Variants in ACADM observed in about 807,000 individuals in gnomAD.
ACADM encodes the protein acyl-CoA dehydrogenase medium chain.
A neutral mutation model predicts 58.9 loss-of-function variants in ACADM; 49 were observed. That is an observed-to-expected ratio of 0.83 (90% CI 0.66 to 1.06). The LOEUF (loss-of-function observed/expected upper bound fraction) is 1.06, where lower values mean the gene tolerates loss of function less well. Ranked by LOEUF, ACADM falls within the 50% of genes least tolerant of loss-of-function variation. The pLI is 0.00. For missense variants in ACADM, 496 were observed against 507.0 expected (o/e 0.98, Z 0.21); for synonymous variants, 160 against 157.7 (o/e 1.01, Z -0.11).
chr1:75,759,178 A>G (rs1648683479), intron 10 of ACADM, among the ~76,000 whole-genome samples: 1 of 152,226 alleles, frequency 6.6e-6, no homozygotes, highest in African/African-American at 2.4e-5. Flanking sequence ...AGCAAGACCA[A>G]GAACCCACTG....
intron 10 of ACADM, among the ~76,000 whole-genome samples, chr1:75,753,344 C>G (rs1240590065): frequency 6.6e-6 from 1 of 151,894 alleles, no homozygotes; most frequent in East Asian, 1.9e-4. Context: ...TTCTTTTCCT[C>G]CATGTTATCT....
intron 9 of ACADM, among the ~76,000 whole-genome samples, chr1:75,750,137 A>C (rs1299414015): frequency 6.6e-6 from 1 of 152,186 alleles, no homozygotes; most frequent in Admixed American, 6.6e-5. Context: ...GTCCACCCTA[A>C]ATATGATCAT....
chr1:75,752,369 T>C (rs553593663), intron 10 of ACADM, among the ~76,000 whole-genome samples: 1 of 152,374 alleles, frequency 6.6e-6, no homozygotes, highest in East Asian at 1.9e-4. Flanking sequence ...GTCACAACAA[T>C]GTTAAATTGC....
At chr1:75,735,405 T>A (rs993552107) in intron 6 of ACADM, among the ~76,000 whole-genome samples, 3 of 151,820 alleles carry the variant, frequency 2.0e-5, no homozygotes, top group Non-Finnish European at 4.4e-5. Flanking sequence ...GTTTTTGGGA[T>A]GTCAAAAAGT....
intron 6 of ACADM, among the ~76,000 whole-genome samples, chr1:75,737,318 ATATAT>A (rs2100381196): frequency 8.2e-6 from 1 of 122,596 alleles, no homozygotes; most frequent in East Asian, 2.3e-4. Flanking sequence ...ATATATATAT[ATATAT>A]ATATGAAACC....
rs751527410 is a variant in ACADM at position 75,744,023 on chromosome 1, T to TAAA, written c.600-1780_600-1778dup. 7.2e-4 allele frequency: 1,134 copies of TAAA among 1,578,492 alleles called. 5 individuals carry two copies. The highest frequency in any genetic ancestry group is 9.0e-4 in the Non-Finnish European group (1,027 of 1,146,876). ...TGGATGTTACTCACATCAATCTCAT[T>TAAA]AAAAATTGTCAGCATTGGCACATGT... On this transcript the variant is annotated intron_variant, in intron 7 of 11. Coordinates refer to ENST00000370841, the MANE Select transcript of ACADM (RefSeq NM_000016.6).
At chr1:75,740,574 T>C (rs1001823711) in intron 7 of ACADM, among the ~76,000 whole-genome samples, 1 of 152,164 alleles carries the variant, frequency 6.6e-6, no homozygotes, top group Non-Finnish European at 1.5e-5. Context: ...TGAAATTTTC[T>C]AATATATGGT....
intron 7 of ACADM, among the ~76,000 whole-genome samples, chr1:75,742,294 A>G (rs558908721): frequency 6.6e-6 from 1 of 152,092 alleles, no homozygotes; most frequent in Non-Finnish European, 1.5e-5. Flanking sequence ...AAGGAATTCC[A>G]ATGATTGTGC....
At chr1:75,740,132 T>C (rs934178677) in intron 7 of ACADM, 22 bp downstream of exon 7, 5 of 1,598,820 alleles carry the variant, frequency 3.1e-6, no homozygotes, top group Non-Finnish European at 3.4e-6. Flanking sequence ...AAAACATCTT[T>C]GTATATTTTT....
At chr1:75,732,795 A>T (rs758213925) in intron 3 of ACADM, 54 bp downstream of exon 3, 7 of 1,603,456 alleles carry the variant, frequency 4.4e-6, no homozygotes, top group Non-Finnish European at 6.0e-6. Flanking sequence ...TTACAAGATT[A>T]TGTAATCAAA....
chr1:75,756,778 A>C (rs975464844), intron 10 of ACADM, among the ~76,000 whole-genome samples: 1 of 152,166 alleles, frequency 6.6e-6, no homozygotes, highest in Non-Finnish European at 1.5e-5. Flanking sequence ...AACAACAAAG[A>C]TGGATGCATC....
chr1:75,746,040 T>G (rs1302320553), intron 8 of ACADM, 126 bp downstream of exon 8: 5 of 725,788 alleles, frequency 6.9e-6, no homozygotes, highest in Non-Finnish European at 1.2e-5. Flanking sequence ...AGCTATGTTT[T>G]GATGATATTA....
intron 6 of ACADM, among the ~76,000 whole-genome samples, chr1:75,736,962 T>G (rs1041527092): frequency 6.6e-6 from 1 of 152,074 alleles, no homozygotes; most frequent in African/African-American, 2.4e-5. Flanking sequence ...TCTTATGCCT[T>G]CCTTCTTTTT....
intron 2 of ACADM, among the ~76,000 whole-genome samples, chr1:75,731,303 AAAGAG>A (rs1316167753): frequency 2.0e-5 from 3 of 146,782 alleles, no homozygotes. Context: ...AAAAAAAAAA[AAAGAG>A]ATTTGATCTT....
intron 10 of ACADM, 41 bp downstream of exon 10, chr1:75,750,587 C>T (rs1453216819): frequency 1.6e-6 from 2 of 1,267,700 alleles, no homozygotes; most frequent in South Asian, 2.5e-5. Flanking sequence ...TGTAAAGACA[C>T]TCATTTTCAT....
chr1:75,738,531 A>T lies in ACADM; in HGVS notation c.469-1449A>T, dbSNP rs182654029. ...AGCCTCAGCCACCACGCCCGGCCCT[A>T]AGTAATCATTTCTAGTGCCCCTATA... On this transcript the variant is annotated intron_variant, in intron 6 of 11. Transcript: ENST00000370841. Among the ~76,000 whole-genome samples the T allele has an allele frequency of 3.3e-3, 504 of 152,208 alleles. 15 individuals are homozygous for T. Among genetic ancestry groups the T allele is most frequent in the Admixed American group, 0.031 (468 of 15,278 alleles).
rs1452655363 is a variant in ACADM at position 75,763,395 on chromosome 1, A to T, written c.*632A>T. ...GCTTGCCTTAAATTATTTTTATATG[A>T]CTGTTGGTCTCTAGGTAGCCTTTGG... On this transcript the variant is annotated 3_prime_UTR_variant, in exon 12 of 12. Coordinates refer to ENST00000370841, the MANE Select transcript of ACADM (RefSeq NM_000016.6). 6.6e-6 allele frequency: 1 copy of T among 152,220 alleles called. No individual in the cohort carries two copies. The allele number at this position is 152,220 out of a possible 1,614,324, so 9.4% of individuals were successfully genotyped here.
At chr1:75,741,639 C>T (rs1229437351) in intron 7 of ACADM, among the ~76,000 whole-genome samples, 1 of 152,102 alleles carries the variant, frequency 6.6e-6, no homozygotes, top group African/African-American at 2.4e-5. Flanking sequence ...CAACTGTTCA[C>T]TGTTCATATA....
chr1:75,739,699 C>T (rs960489213), intron 6 of ACADM, among the ~76,000 whole-genome samples: 11 of 151,932 alleles, frequency 7.2e-5, no homozygotes, highest in Non-Finnish European at 2.9e-5. Flanking sequence ...CTATTATACA[C>T]GGGAGGCTGA....
Sources: allele counts gnomAD v4.1 joint callset (sites outside exome capture counted in the v4.1 genomes callset), GRCh38; gene constraint gnomAD v4.1.1; transcripts MANE v1.5; gene names NCBI Gene and HGNC (gene_info 2026-07-23, HGNC 2026-07-21).